Variants in GALNTL5 observed in about 807,000 individuals in gnomAD.
GALNTL5 encodes polypeptide N-acetylgalactosaminyltransferase like 5.
A neutral mutation model predicts 51.0 loss-of-function variants in GALNTL5; 44 were observed. The ratio of observed to expected loss-of-function variants is 0.86; its 90% CI spans 0.68 to 1.11. GALNTL5 has a LOEUF of 1.11. GALNTL5 is among the 50% of genes least tolerant of loss of function. The probability of loss-of-function intolerance (pLI) is 0.00; values close to 1 mark genes in which losing one functional copy is unlikely to be tolerated. For synonymous variants in GALNTL5, 192 were observed against 182.8 expected (o/e 1.05, Z -0.41); for missense variants, 528 against 531.8 (o/e 0.99, Z 0.07).
rs60037441 is a variant in GALNTL5 at position 151,974,733 on chromosome 7, TTC to T, written c.368+3674_368+3675del. On this transcript the variant is annotated intron_variant, in intron 3 of 8. Coordinates refer to ENST00000392800, the MANE Select transcript of GALNTL5 (RefSeq NM_145292.4). ...TTAACATATCTTTTAGGTTATGAATTTCTCTCTGTATCATCATTTGTTCTCCC... is the reference window on the plus strand; with the variant it reads ...TTAACATATCTTTTAGGTTATGAATTTCTCTGTATCATCATTTGTTCTCCC... 5.6e-3 allele frequency among the ~76,000 whole-genome samples: 848 copies of T among 152,332 alleles called. 7 individuals are homozygous for T. Among genetic ancestry groups the T allele is most frequent in the African/African-American group, 0.019 (780 of 41,590 alleles).
chr7:151,964,394 G>A (rs1054637196), intron 1 of GALNTL5, among the ~76,000 whole-genome samples: 1 of 152,198 alleles, frequency 6.6e-6, no homozygotes, highest in South Asian at 2.1e-4. Context: ...CCCACGTGCT[G>A]TGTGAGGAAC....
rs1447161445 is a variant in GALNTL5 at position 152,007,850 on chromosome 7, T to A, written c.932T>A (p.Ile311Asn). 1.2e-6 allele frequency: 2 copies of A among 1,609,186 alleles called. No homozygotes were observed. Among genetic ancestry groups the A allele is most frequent in the African/African-American group, 1.3e-5 (1 of 74,814 alleles). The change falls in exon 7 of 9, where the codon ATT becomes AAT. Residue 311 changes from isoleucine to asparagine, a missense_variant. Coordinates refer to ENST00000392800, the MANE Select transcript of GALNTL5 (RefSeq NM_145292.4). Reference sequence around the variant, plus strand: ...AGGTCACCTGCAATGTCTGGAGGAATTTTTGCTATACGTCGGCATTATTTT... The same window carrying A: ...AGGTCACCTGCAATGTCTGGAGGAAATTTTGCTATACGTCGGCATTATTTT... ...PIRSPAMSGG[I>N]FAIRRHYFNE...
At chr7:152,015,320 A>C (rs1398030703) in intron 8 of GALNTL5, among the ~76,000 whole-genome samples, 1 of 151,472 alleles carries the variant, frequency 6.6e-6, no homozygotes, top group Non-Finnish European at 1.5e-5. Flanking sequence ...CCCACACCTG[A>C]AGCAAATAGC....
chr7:151,961,673 G>A (rs1352102822), intron 1 of GALNTL5, among the ~76,000 whole-genome samples: 1 of 152,176 alleles, frequency 6.6e-6, no homozygotes, highest in Non-Finnish European at 1.5e-5. Context: ...TTTACCTGCA[G>A]GGCCTAAGGC....
intron 5 of GALNTL5, 28 bp from the exon 6 acceptor site, chr7:152,002,686 T>A: frequency 6.2e-7 from 1 of 1,608,068 alleles, no homozygotes; most frequent in South Asian, 1.1e-5. Flanking sequence ...CTATGTGGAC[T>A]AACATTGCCC....
chr7:151,979,929 C>A (rs997287525), intron 3 of GALNTL5, among the ~76,000 whole-genome samples: 11 of 152,290 alleles, frequency 7.2e-5, no homozygotes, highest in Non-Finnish European at 1.3e-4. Flanking sequence ...AAGTGATACA[C>A]CCAGGACTGA....
Position 152,011,264 on chromosome 7 carries a change from C to T in GALNTL5, c.1026+3320C>T, listed in dbSNP as rs2081734722. 4.6e-5 allele frequency among the ~76,000 whole-genome samples: 7 copies of T among 152,192 alleles called. 1 individual carries two copies. In the South Asian group the frequency reaches 1.4e-3, roughly 32 times the overall value. ...AATGCTCTGAATTTTTTTTCAGTTG[C>T]CCTGAACTCAGTGCTACTATTGCTC... On this transcript the variant is annotated intron_variant, in intron 7 of 8. Coordinates refer to ENST00000392800, the MANE Select transcript of GALNTL5 (RefSeq NM_145292.4).
rs115762193 is a variant in GALNTL5 at position 151,969,266 on chromosome 7, A to T, written c.248-1679A>T. On this transcript the variant is annotated intron_variant, in intron 2 of 8. Transcript: ENST00000392800. ...TTGCTTACAAGTTCACAAAGATTTCATTCTATGTTTTCTTTTGGAAATGAA... is the reference window on the plus strand; with the variant it reads ...TTGCTTACAAGTTCACAAAGATTTCTTTCTATGTTTTCTTTTGGAAATGAA... 8.0e-3 allele frequency among the ~76,000 whole-genome samples: 1,216 copies of T among 152,264 alleles called. 17 individuals carry two copies. Among genetic ancestry groups the T allele is most frequent in the African/African-American group, 0.027 (1,133 of 41,546 alleles).
chr7:152,012,774 C>T (rs1402563657), intron 7 of GALNTL5, among the ~76,000 whole-genome samples: 1 of 152,144 alleles, frequency 6.6e-6, no homozygotes, highest in Non-Finnish European at 1.5e-5. Context: ...CATGACCAAC[C>T]TGGCCAACAT....
intron 1 of GALNTL5, among the ~76,000 whole-genome samples, chr7:151,958,044 T>A (rs1371469991): frequency 6.6e-6 from 1 of 152,174 alleles, no homozygotes; most frequent in African/African-American, 2.4e-5. Context: ...CTAAAGAGAA[T>A]TCCCCCCAAG....
chr7:151,981,155 T>C (rs1272873859), intron 3 of GALNTL5, among the ~76,000 whole-genome samples: 1 of 152,146 alleles, frequency 6.6e-6, no homozygotes, highest in Non-Finnish European at 1.5e-5. Context: ...ATATTTGATC[T>C]TGGAAAAGGT....
intron 5 of GALNTL5, among the ~76,000 whole-genome samples, chr7:151,996,558 G>A (rs903716144): frequency 6.6e-6 from 1 of 152,178 alleles, no homozygotes; most frequent in Non-Finnish European, 1.5e-5. Context: ...TGGGAAACAT[G>A]AGAAGACCTC....
intron 4 of GALNTL5, among the ~76,000 whole-genome samples, chr7:151,983,675 G>C (rs769217315): frequency 4.6e-5 from 7 of 152,130 alleles, no homozygotes; most frequent in Non-Finnish European, 8.8e-5. Flanking sequence ...AAACATAGGG[G>C]CACCGGCCAC....
chr7:152,006,360 G>A (rs1205926581), intron 6 of GALNTL5, among the ~76,000 whole-genome samples: 3 of 152,340 alleles, frequency 2.0e-5, no homozygotes, highest in Non-Finnish European at 4.4e-5. Flanking sequence ...ACGAAAGAGA[G>A]AAAAGGGGAC....
At chr7:151,958,099 C>T (rs2151934624) in intron 1 of GALNTL5, among the ~76,000 whole-genome samples, 1 of 152,262 alleles carries the variant, frequency 6.6e-6, no homozygotes, top group South Asian at 2.1e-4. Context: ...ATTTATTTTT[C>T]AGTAATAATC....
chr7:151,995,305 C>G (rs1047330771), intron 5 of GALNTL5: 7 of 136,242 alleles, frequency 5.1e-5, no homozygotes, highest in African/African-American at 1.9e-4. Context: ...ATGTTGCAAT[C>G]AGATGGCTTG....
intron 3 of GALNTL5, among the ~76,000 whole-genome samples, chr7:151,981,495 C>T (rs1166110023): frequency 6.6e-6 from 1 of 152,036 alleles, no homozygotes; most frequent in African/African-American, 2.4e-5. Context: ...GCTGCTGCAG[C>T]TTCTAGGTCC....
Position 152,014,795 on chromosome 7 carries a change from T to C in GALNTL5, c.1176+2T>C. Reference sequence around the variant, plus strand: ...CACGTTTGGCTGGATGAATATAAGGTGGGGAACACATCCTTGACTTGGAAA... The same window carrying C: ...CACGTTTGGCTGGATGAATATAAGGCGGGGAACACATCCTTGACTTGGAAA... On this transcript the variant is annotated splice_donor_variant, in intron 8 of 8. Coordinates refer to ENST00000392800, the MANE Select transcript of GALNTL5 (RefSeq NM_145292.4). LOFTEE classifies it high-confidence loss of function. 6.2e-7 allele frequency: 1 copy of C among 1,603,178 alleles called. No individual in the cohort carries two copies. Among genetic ancestry groups the C allele is most frequent in the Non-Finnish European group, 8.5e-7 (1 of 1,175,820 alleles).
At chr7:151,966,681 C>A (rs766987411) in intron 1 of GALNTL5, among the ~76,000 whole-genome samples, 48 of 152,206 alleles carry the variant, frequency 3.2e-4, no homozygotes, top group Non-Finnish European at 3.7e-4. Context: ...TAGGATATAT[C>A]CCTAAGGATG....
Sources: allele counts gnomAD v4.1 joint callset (sites outside exome capture counted in the v4.1 genomes callset), GRCh38; gene constraint gnomAD v4.1.1; transcripts MANE v1.5; gene names NCBI Gene and HGNC (gene_info 2026-07-23, HGNC 2026-07-21).